HFM1: variants seen among roughly 807,000 people sequenced by gnomAD.
HFM1 encodes helicase for meiosis 1, also known as probable ATP-dependent DNA helicase HFM1.
HFM1 carries 169 observed loss-of-function variants against 192.1 expected under a neutral mutation model. That is an observed-to-expected ratio of 0.88 (90% CI 0.78 to 1.00). HFM1 has a LOEUF of 1.00. HFM1 is among the 50% of genes least tolerant of loss of function. HFM1 has a pLI of 0.00. For synonymous variants in HFM1, 525 were observed against 537.8 expected (o/e 0.98, Z 0.33); for missense variants, 1,661 against 1,668.0 (o/e 1.00, Z 0.07).
At chr1:91,347,388 A>G in intron 19 of HFM1, 41 bp downstream of exon 19, 1 of 1,207,568 alleles carries the variant, frequency 8.3e-7, no homozygotes, top group Non-Finnish European at 1.2e-6. Flanking sequence ...TTTTTCACTA[A>G]AATATATAGA....
chr1:91,267,828 C>A lies in HFM1; in HGVS notation c.3800G>T (p.Gly1267Val). ...KEVLNVNFEL[G>V]NEVWDDFDDE... is the part of the protein sequence containing the mutation. ...ATCAAAATCATCCCAAACTTCATTT[C>A]CCAATTCAAAGTTCACATTCAAAAC... The change falls in exon 35 of 39, where the codon GGA becomes GTA. Residue 1267 changes from glycine (G) to valine (V), a missense_variant. Coordinates refer to ENST00000370425, the MANE Select transcript of HFM1 (RefSeq NM_001017975.6). 6.3e-7 allele frequency: 1 copy of A among 1,580,546 alleles called. No individual in the cohort carries two copies.
rs1165412285 is a variant in HFM1, at chr1:91,379,213, C to T, written c.1008G>A (p.Met336Ile). 6.3e-7 allele frequency: 1 copy of T among 1,589,512 alleles called. No individual in the cohort carries two copies. The highest frequency in any genetic ancestry group is 1.4e-5 in the African/African-American group (1 of 73,226). ...GACTGCACAAGGCTTTTATTGGTGC[C>T]ACTGTAACAATATAAAATATTTACT... ...LPWLNIKIVY[M>I]APIKALCSQR... is the part of the protein sequence containing the mutation. The change falls in exon 9 of 39, where the codon ATG becomes ATA. Residue 336 changes from methionine (M) to isoleucine (I), a missense_variant and splice_region_variant. Met to Ile is a conservative substitution (Grantham distance 10). Coordinates refer to ENST00000370425, the MANE Select transcript of HFM1 (RefSeq NM_001017975.6).
chr1:91,289,245 G>A lies in HFM1; in HGVS notation c.3392-12183C>T, dbSNP rs577077459. On this transcript the variant is annotated intron_variant, in intron 30 of 38. Coordinates refer to ENST00000370425, the MANE Select transcript of HFM1 (RefSeq NM_001017975.6). ...GACGGGGTCGCGGCCGGACAGAGGCGCTCTTCACATCTCAGACGGGGCGGC... is the reference window on the plus strand; with the variant it reads ...GACGGGGTCGCGGCCGGACAGAGGCACTCTTCACATCTCAGACGGGGCGGC... Among the ~76,000 whole-genome samples the A allele has an allele frequency of 1.3e-3, 195 of 150,942 alleles. 1 individual carries two copies. Among genetic ancestry groups the A allele is most frequent in the Admixed American group, 2.4e-3 (37 of 15,178 alleles).
chr1:91,332,901 TATC>T (rs1654039501), intron 20 of HFM1, among the ~76,000 whole-genome samples: 1 of 152,152 alleles, frequency 6.6e-6, no homozygotes, highest in Non-Finnish European at 1.5e-5. Context: ...TACAATGAGA[TATC>T]ATCTCACCGC....
intron 18 of HFM1, among the ~76,000 whole-genome samples, chr1:91,347,836 A>G (rs748680085): frequency 3.3e-5 from 5 of 152,164 alleles, no homozygotes; most frequent in Admixed American, 2.6e-4. Context: ...CCTTTAACAC[A>G]ATAATTTCAC....
chr1:91,377,338 T>A (rs938910210), intron 11 of HFM1: 1 of 151,906 alleles, frequency 6.6e-6, no homozygotes, highest in African/African-American at 2.4e-5. Flanking sequence ...GAATAGACAA[T>A]ATAGTGGCTA....
chr1:91,328,764 A>G, intron 20 of HFM1: 1 of 1,610,948 alleles, frequency 6.2e-7, no homozygotes, highest in Non-Finnish European at 8.5e-7. Flanking sequence ...AAATTCACTA[A>G]GTGGCTGGTG....
intron 30 of HFM1, among the ~76,000 whole-genome samples, chr1:91,305,564 TTTC>T (rs1649474057): frequency 6.6e-6 from 1 of 152,010 alleles, no homozygotes; most frequent in Non-Finnish European, 1.5e-5. Context: ...AATTTATTTA[TTTC>T]TTTTTTTTTC....
intron 17 of HFM1, among the ~76,000 whole-genome samples, 172 bp from the exon 18 acceptor site, chr1:91,351,043 G>A (rs1452700694): frequency 1.3e-5 from 2 of 151,792 alleles, no homozygotes; most frequent in African/African-American, 4.8e-5. Context: ...CTTCTAAAAG[G>A]CTTCAGATAT....
intron 30 of HFM1, among the ~76,000 whole-genome samples, chr1:91,311,497 G>A (rs1650446045): frequency 6.6e-6 from 1 of 151,956 alleles, no homozygotes; most frequent in Non-Finnish European, 1.5e-5. Context: ...ATGCTGGTGG[G>A]TGCCTGTAGT....
At chr1:91,337,227 G>A (rs1483267035) in intron 20 of HFM1, among the ~76,000 whole-genome samples, 3 of 152,118 alleles carry the variant, frequency 2.0e-5, no homozygotes, top group Admixed American at 1.3e-4. Flanking sequence ...TACCAGAACA[G>A]TTGAAGCGGG....
chr1:91,314,173 A>G, intron 28 of HFM1, 113 bp from the exon 29 acceptor site: 1 of 588,492 alleles, frequency 1.7e-6, no homozygotes, highest in Non-Finnish European at 2.9e-6. Flanking sequence ...ACTGAAATCA[A>G]TTACTGAAAA....
chr1:91,296,478 G>A (rs1484704081), intron 30 of HFM1, among the ~76,000 whole-genome samples: 1 of 151,648 alleles, frequency 6.6e-6, no homozygotes, highest in African/African-American at 2.4e-5. Context: ...TTTTCTTCAA[G>A]TTTGCCCTGA....
intron 30 of HFM1, among the ~76,000 whole-genome samples, chr1:91,293,986 G>T (rs1669094224): frequency 6.7e-6 from 1 of 148,330 alleles, no homozygotes; most frequent in African/African-American, 2.5e-5. Flanking sequence ...ACTCATAGGT[G>T]GGAAATGAAC....
chr1:91,394,583 T>C (rs527521296), intron 3 of HFM1, among the ~76,000 whole-genome samples, 181 bp from the exon 4 acceptor site: 4 of 152,236 alleles, frequency 2.6e-5, no homozygotes, highest in South Asian at 2.1e-4. Context: ...GTTACACTTA[T>C]GGTATATTAC....
intron 3 of HFM1, among the ~76,000 whole-genome samples, chr1:91,395,699 G>A (rs1399299010): frequency 6.6e-6 from 1 of 151,968 alleles, no homozygotes; most frequent in Admixed American, 6.6e-5. Flanking sequence ...TTTACATAAC[G>A]AGTATACATA....
intron 2 of HFM1, among the ~76,000 whole-genome samples, chr1:91,400,127 G>C (rs1332297882): frequency 6.6e-6 from 1 of 152,004 alleles, no homozygotes; most frequent in East Asian, 1.9e-4. Flanking sequence ...AAAATAATGA[G>C]GCAATTAATA....
At chr1:91,369,258 A>G (rs1468745084) in intron 13 of HFM1, among the ~76,000 whole-genome samples, 1 of 152,230 alleles carries the variant, frequency 6.6e-6, no homozygotes, top group Admixed American at 6.5e-5. Context: ...CCTAATAGAC[A>G]TCTACAGAAC....
chr1:91,287,147 G>T (rs901460313), intron 30 of HFM1, among the ~76,000 whole-genome samples: 1 of 152,226 alleles, frequency 6.6e-6, no homozygotes, highest in South Asian at 2.1e-4. Flanking sequence ...CTCGAACTGG[G>T]TGGAGCCCAC....
Sources: gnomAD v4.1 joint callset for allele counts (sites outside exome capture counted in the v4.1 genomes callset) on GRCh38, gnomAD v4.1.1 for gene constraint, MANE v1.5 for transcripts, NCBI Gene and HGNC (gene_info 2026-07-23, HGNC 2026-07-21) for gene names.